Variants in SGCZ observed in about 807,000 individuals in gnomAD.
The protein encoded by SGCZ is sarcoglycan zeta.
Under a neutral mutation model 41.3 loss-of-function variants are expected in SGCZ, and 40 were observed. That is an observed-to-expected ratio of 0.97 (90% confidence interval 0.75 to 1.26). The LOEUF is 1.26. Ranked by LOEUF, SGCZ falls within the 50% of genes most tolerant of loss-of-function variation. SGCZ has a pLI of 0.00. For missense variants in SGCZ, 552 were observed against 369.8 expected, an observed-to-expected ratio of 1.49 and a Z score of -4.04; for synonymous variants, 206 against 137.5, an observed-to-expected ratio of 1.50 and a Z score of -3.49.
intron 1 of SGCZ, among the ~76,000 whole-genome samples, chr8:15,026,360 GAA>G (rs1312708089): frequency 2.0e-5 from 3 of 152,154 alleles, no homozygotes; most frequent in African/African-American, 4.8e-5. Flanking sequence ...TTCCGGAACA[GAA>G]AAGAGTCCTA....
chr8:14,957,734 C>T lies in SGCZ; in HGVS notation c.39+279851G>A, dbSNP rs142519341. Among the ~76,000 whole-genome samples, 690 of 151,938 alleles carry T rather than the reference C, an allele frequency of 4.5e-3. 6 individuals are homozygous for T. The highest frequency in any genetic ancestry group is 0.017 in the South Asian group (84 of 4,818). The stretch of plus-strand genomic sequence containing the variant: ...TTTATATATTGCAAATTCAATGTTA[C>T]GTATTGTGAATATACATTCATGATG... On this transcript the variant is annotated intron_variant, in intron 1 of 7. Transcript: ENST00000382080.
intron 2 of SGCZ, among the ~76,000 whole-genome samples, chr8:14,489,823 C>T (rs1457171408): frequency 6.9e-6 from 1 of 144,384 alleles, no homozygotes; most frequent in Non-Finnish European, 1.5e-5. Flanking sequence ...TCTCTCCTAA[C>T]ATCATGCAGC....
intron 5 of SGCZ, among the ~76,000 whole-genome samples, chr8:14,156,694 T>A (rs1468049278): frequency 6.6e-6 from 1 of 152,194 alleles, no homozygotes; most frequent in Non-Finnish European, 1.5e-5. Context: ...TTCTATAAGC[T>A]TTTCCCTATT....
intron 2 of SGCZ, among the ~76,000 whole-genome samples, chr8:14,357,402 TA>T (rs1367469435): frequency 1.3e-5 from 2 of 152,114 alleles, no homozygotes; most frequent in Admixed American, 1.3e-4. Flanking sequence ...CTTCGCAACA[TA>T]AAAAAACTGT....
At chr8:15,090,410 G>T (rs956581170) in intron 1 of SGCZ, among the ~76,000 whole-genome samples, 6 of 152,070 alleles carry the variant, frequency 3.9e-5, no homozygotes, top group Non-Finnish European at 8.8e-5. Context: ...CTGATATCTG[G>T]CAACACCCCT....
intron 1 of SGCZ, among the ~76,000 whole-genome samples, chr8:14,607,306 G>A (rs751734206): frequency 1.8e-4 from 28 of 152,038 alleles, no homozygotes; most frequent in Non-Finnish European, 3.2e-4. Context: ...CCTTCAGATT[G>A]TACATTTCCA....
chr8:15,029,040 A>C (rs1252725168), intron 1 of SGCZ, among the ~76,000 whole-genome samples: 1 of 152,122 alleles, frequency 6.6e-6, no homozygotes, highest in Non-Finnish European at 1.5e-5. Context: ...TACAACATCA[A>C]TGCCTAATTG....
At chr8:14,318,242 G>A (rs549179349) in intron 3 of SGCZ, among the ~76,000 whole-genome samples, 1 of 151,536 alleles carries the variant, frequency 6.6e-6, no homozygotes, top group Admixed American at 6.6e-5. Context: ...GGAGGAAGAG[G>A]GAGAAGGGCA....
intron 1 of SGCZ, among the ~76,000 whole-genome samples, chr8:14,926,062 G>T (rs149650927): frequency 1.3e-5 from 2 of 152,208 alleles, no homozygotes; most frequent in African/African-American, 4.8e-5. Context: ...TTCCCAAAAG[G>T]AAAAAGATAA....
At chr8:15,183,006 G>T (rs1464547286) in intron 1 of SGCZ, among the ~76,000 whole-genome samples, 1 of 152,246 alleles carries the variant, frequency 6.6e-6, no homozygotes, top group East Asian at 1.9e-4. Flanking sequence ...CAGGATCAGG[G>T]TTATCAACAT....
At position 14,662,748 on chromosome 8, in the gene SGCZ, G is replaced by A. The variant is rs148057726; in HGVS notation, c.40-107822C>T. The stretch of plus-strand genomic sequence containing the variant: ...GAATTTAAGATGGGGAGATTATCCT[G>A]CATTATCCACAAGCATGGGCCCAAG... On this transcript the variant is annotated intron_variant, in intron 1 of 7. Coordinates refer to ENST00000382080, the MANE Select transcript of SGCZ (RefSeq NM_139167.4). Among the ~76,000 whole-genome samples the A allele has an allele frequency of 5.3e-3, 808 of 152,248 alleles. 4 individuals carry two copies. The highest frequency in any genetic ancestry group is 8.5e-3 in the Non-Finnish European group (578 of 68,002).
chr8:14,830,099 C>G (rs141161094), intron 1 of SGCZ, among the ~76,000 whole-genome samples: 1 of 152,132 alleles, frequency 6.6e-6, no homozygotes, highest in Admixed American at 6.5e-5. Flanking sequence ...CATGAGCCAC[C>G]GCACCCGGCC....
At chr8:14,409,531 G>A (rs1799304766) in intron 2 of SGCZ, among the ~76,000 whole-genome samples, 1 of 151,956 alleles carries the variant, frequency 6.6e-6, no homozygotes, top group Admixed American at 6.6e-5. Flanking sequence ...TGCCTCATAA[G>A]AACTTATGGG....
At chr8:14,245,701 C>A (rs1439406574) in intron 3 of SGCZ, among the ~76,000 whole-genome samples, 1 of 152,088 alleles carries the variant, frequency 6.6e-6, no homozygotes, top group Non-Finnish European at 1.5e-5. Flanking sequence ...ACTCATCTGA[C>A]AAAGGGCTAA....
chr8:14,796,514 T>TA (rs1216848220), intron 1 of SGCZ, among the ~76,000 whole-genome samples: 1 of 152,220 alleles, frequency 6.6e-6, no homozygotes, highest in East Asian at 1.9e-4. Flanking sequence ...TAACTTTCAT[T>TA]AAAAAATTAA....
At chr8:14,767,379 C>T (rs1337019017) in intron 1 of SGCZ, among the ~76,000 whole-genome samples, 1 of 152,156 alleles carries the variant, frequency 6.6e-6, no homozygotes, top group Non-Finnish European at 1.5e-5. Flanking sequence ...TTATCAATCT[C>T]AAAAGTGTTT....
intron 1 of SGCZ, among the ~76,000 whole-genome samples, chr8:14,686,154 T>G (rs1236477597): frequency 6.6e-6 from 1 of 152,142 alleles, no homozygotes; most frequent in Non-Finnish European, 1.5e-5. Context: ...TATAGAAAAT[T>G]ATTCTTGCCC....
chr8:14,686,105 A>T (rs547263034), intron 1 of SGCZ, among the ~76,000 whole-genome samples: 1 of 151,922 alleles, frequency 6.6e-6, no homozygotes, highest in African/African-American at 2.4e-5. Flanking sequence ...CTCACCTCCT[A>T]TCCAGGTAGT....
chr8:14,207,423 T>C (rs10096956), intron 4 of SGCZ, among the ~76,000 whole-genome samples: 2,682 of 152,304 alleles, frequency 0.018, 78 homozygotes, highest in African/African-American at 0.06. Context: ...TGCAAACATA[T>C]TGTAAAATAC....
Sources: gnomAD v4.1 joint callset for allele counts (sites outside exome capture counted in the v4.1 genomes callset) on GRCh38, gnomAD v4.1.1 for gene constraint, MANE v1.5 for transcripts, NCBI Gene and HGNC (gene_info 2026-07-23, HGNC 2026-07-21) for gene names.